The following PGPEP1L variants were observed in gnomAD, a reference collection of about 807,000 sequenced individuals.
PGPEP1L encodes the protein pyroglutamyl-peptidase I like, also known as pyroglutamyl-peptidase 1-like protein.
PGPEP1L carries 7 observed loss-of-function variants against 6.0 expected under a neutral mutation model. The observed-to-expected ratio is 1.17, with a 90% CI of 0.66 to 2.19. The LOEUF (loss-of-function observed/expected upper bound fraction) is 2.19. PGPEP1L is among the 30% of genes most tolerant of loss of function. The pLI is 0.00. For missense variants in PGPEP1L, 209 were observed against 192.5 expected (o/e 1.09, Z -0.51); for synonymous variants, 103 against 83.9 (o/e 1.23, Z -1.24).
In PGPEP1L at chr15:98,968,413, T is replaced by A; in HGVS notation, c.*65A>T. On this transcript the variant is annotated 3_prime_UTR_variant, in exon 5 of 5. Transcript: ENST00000535714. The stretch of plus-strand genomic sequence containing the variant: ...AGCAATTTTTGAAAAAGTTTCTCAA[T>A]GCACAGTTGAGTGCTACATACAGGA... 1 of 1,504,570 alleles carries A rather than the reference T, an allele frequency of 6.6e-7. No homozygotes were observed. Among genetic ancestry groups the A allele is most frequent in the Non-Finnish European group, 9.1e-7 (1 of 1,102,562 alleles). 93.2% of individuals were successfully genotyped at this position (1,504,570 alleles called of 1,614,324 possible).
chr15:98,973,894 A>G (rs1042017833), intron 2 of PGPEP1L, among the ~76,000 whole-genome samples: 2 of 152,218 alleles, frequency 1.3e-5, no homozygotes, highest in African/African-American at 2.4e-5. Context: ...AAGCAATACA[A>G]AAGATTGCTG....
chr15:98,975,465 A>G (rs539153698), intron 2 of PGPEP1L, among the ~76,000 whole-genome samples: 4 of 152,356 alleles, frequency 2.6e-5, no homozygotes, highest in East Asian at 3.9e-4. Flanking sequence ...TAGCTCGAAG[A>G]GATTTAGAAC....
chr15:99,004,683 A>G (rs1234123703), intron 2 of PGPEP1L, among the ~76,000 whole-genome samples: 2 of 152,158 alleles, frequency 1.3e-5, no homozygotes, highest in African/African-American at 4.8e-5. Flanking sequence ...ACGCCACTGC[A>G]CTCTAGCCTA....
Position 98,968,477 on chromosome 15 carries a change from G to C in PGPEP1L, c.*1C>G. ...TTTTCTCTAGAGGAGCAATCCCCCG[G>C]TCAGTTCCCTTTGGCTGGAAGGACC... On this transcript the variant is annotated 3_prime_UTR_variant, in exon 5 of 5. Coordinates refer to ENST00000535714, the MANE Select transcript of PGPEP1L (RefSeq NM_001167902.2). The C allele has an allele frequency of 6.2e-7, 1 of 1,612,372 alleles. No homozygotes were observed. Among genetic ancestry groups the C allele is most frequent in the Non-Finnish European group, 8.5e-7 (1 of 1,179,200 alleles).
At position 99,003,723 on chromosome 15, in the gene PGPEP1L, CT is replaced by C. The variant is rs1398574658; in HGVS notation, c.-142+1705del. 2.7e-5 allele frequency among the ~76,000 whole-genome samples: 4 copies of C among 147,822 alleles called. No individual in the cohort carries two copies. The East Asian group carries it at 7.7e-4, about 29-fold the overall frequency. On this transcript the variant is annotated intron_variant, in intron 2 of 4. Coordinates refer to ENST00000535714, the MANE Select transcript of PGPEP1L (RefSeq NM_001167902.2). ...TCCAGCGGGCATTCCCAAATCATGG[CT>C]GATTATCAGGTATTTCATCAAACAA...
intron 2 of PGPEP1L, among the ~76,000 whole-genome samples, chr15:98,977,937 C>T (rs2017593882): frequency 6.6e-6 from 1 of 152,218 alleles, no homozygotes; most frequent in Non-Finnish European, 1.5e-5. Context: ...TGCTACACGA[C>T]ATTCTGACTC....
chr15:99,002,754 A>G (rs556676374), intron 2 of PGPEP1L, among the ~76,000 whole-genome samples: 1 of 152,204 alleles, frequency 6.6e-6, no homozygotes, highest in Non-Finnish European at 1.5e-5. Flanking sequence ...GGCTGCAGAT[A>G]CAAGTGGAAT....
chr15:98,990,650 CAGAA>C (rs1816546041), intron 2 of PGPEP1L, among the ~76,000 whole-genome samples: 1 of 152,184 alleles, frequency 6.6e-6, no homozygotes, highest in Non-Finnish European at 1.5e-5. Flanking sequence ...CCCAAATAAA[CAGAA>C]TATACATTCT....
chr15:98,974,184 C>T (rs2017536379), intron 2 of PGPEP1L, among the ~76,000 whole-genome samples: 1 of 151,932 alleles, frequency 6.6e-6, no homozygotes, highest in East Asian at 1.9e-4. Context: ...AGTTCAAGAC[C>T]AGGACAACAT....
chr15:98,994,935 T>C (rs1452910691), intron 2 of PGPEP1L, among the ~76,000 whole-genome samples: 1 of 152,226 alleles, frequency 6.6e-6, no homozygotes, highest in African/African-American at 2.4e-5. Context: ...CTAATTAGAT[T>C]GTCAATTTTT....
At position 99,004,094 on chromosome 15, in the gene PGPEP1L, G is replaced by A. The variant is rs1204949753; in HGVS notation, c.-142+1335C>T. 3.5e-5 allele frequency among the ~76,000 whole-genome samples: 5 copies of A among 144,464 alleles called. No individual in the cohort carries two copies. In the South Asian group the frequency reaches 6.5e-4, roughly 19 times the overall value. 94.8% of individuals were successfully genotyped at this position (144,464 alleles called of 152,430 possible). On this transcript the variant is annotated intron_variant, in intron 2 of 4. Transcript: ENST00000535714. Reference sequence around the variant, plus strand: ...AACACAATTCAGAAAACTTAAAACCGGCCAAATGTGTCTAACTAAAAATGA... The same window carrying A: ...AACACAATTCAGAAAACTTAAAACCAGCCAAATGTGTCTAACTAAAAATGA...
intron 2 of PGPEP1L, among the ~76,000 whole-genome samples, chr15:98,995,063 T>C (rs992692714): frequency 4.6e-5 from 7 of 152,344 alleles, no homozygotes; most frequent in African/African-American, 1.7e-4. Context: ...TTTGTGCTCA[T>C]CTCTGTGGAT....
At chr15:99,000,124 C>T (rs924094552) in intron 2 of PGPEP1L, among the ~76,000 whole-genome samples, 1 of 152,188 alleles carries the variant, frequency 6.6e-6, no homozygotes, top group East Asian at 1.9e-4. Context: ...GCGTGGGCTC[C>T]GCGGGCCCCG....
rs568567866 is a variant in PGPEP1L, at chr15:99,004,104, G to A, written c.-142+1325C>T. ...AGAAAACTTAAAACCGGCCAAATGT[G>A]TCTAACTAAAAATGAAGGCTGGACA... On this transcript the variant is annotated intron_variant, in intron 2 of 4. Transcript: ENST00000535714. 4.8e-5 allele frequency among the ~76,000 whole-genome samples: 7 copies of A among 144,550 alleles called. No homozygotes were observed. The South Asian group carries it at 8.8e-4, about 18-fold the overall frequency. 94.8% of individuals were successfully genotyped at this position (144,550 alleles called of 152,430 possible).
rs2151753207 is a variant in PGPEP1L, at chr15:98,969,668, C to T, written c.-18-17G>A. The T allele has an allele frequency of 1.2e-6, 2 of 1,605,948 alleles. No individual in the cohort carries two copies. The highest frequency in any genetic ancestry group is 1.3e-5 in the African/African-American group (1 of 74,968). On this transcript the variant is annotated splice_polypyrimidine_tract_variant and intron_variant, in intron 3 of 4. Coordinates refer to ENST00000535714, the MANE Select transcript of PGPEP1L (RefSeq NM_001167902.2). ...CACGACGAGCTGTGTGAACGGGTAA[C>T]AGCAGAGAGAACCCAGGAAAACGAG...
intron 2 of PGPEP1L, among the ~76,000 whole-genome samples, chr15:98,975,780 C>T (rs1169581165): frequency 1.3e-5 from 2 of 152,140 alleles, no homozygotes; most frequent in African/African-American, 4.8e-5. Flanking sequence ...ACTTGGGAGG[C>T]TGAGGCAGGA....
chr15:98,968,535 CT>C lies in PGPEP1L; in HGVS notation c.371del (p.Lys124SerfsTer61). On this transcript the variant is annotated frameshift_variant, in exon 5 of 5. Transcript: ENST00000535714. LOFTEE classifies it low-confidence loss of function (END_TRUNC). Reference sequence around the variant, plus strand: ...AGTTTTCTTCGAACTGGGCTCTGTGCTTGGGCTTTCCCACCTCTTCCAGCAT... The same window carrying C: ...AGTTTTCTTCGAACTGGGCTCTGTGCTGGGCTTTCCCACCTCTTCCAGCAT... ...QEMLEEVGKPKHRAQFEENST... is the reference protein window; with the variant it reads ...QEMLEEVGKPXHRAQFEENST... The C allele has an allele frequency of 1.9e-6, 3 of 1,613,312 alleles. No homozygotes were observed. The highest frequency in any genetic ancestry group is 2.5e-6 in the Non-Finnish European group (3 of 1,179,712).
At chr15:98,978,726 A>ATTTTT (rs57804945) in intron 2 of PGPEP1L, among the ~76,000 whole-genome samples, 6 of 85,258 alleles carry the variant, frequency 7.0e-5, no homozygotes, top group Non-Finnish European at 1.1e-4. Context: ...ATATATATAT[A>ATTTTT]TTTTTTTTTT....
intron 2 of PGPEP1L, among the ~76,000 whole-genome samples, chr15:99,005,212 C>G (rs573480533): frequency 6.6e-6 from 1 of 152,208 alleles, no homozygotes; most frequent in Non-Finnish European, 1.5e-5. Context: ...TTACTTGAAG[C>G]GAATGAGCCA....
Sources: gnomAD v4.1 joint callset for allele counts (sites outside exome capture counted in the v4.1 genomes callset) on GRCh38, gnomAD v4.1.1 for gene constraint, MANE v1.5 for transcripts, NCBI Gene and HGNC (gene_info 2026-07-23, HGNC 2026-07-21) for gene names.